The following FOXP2 variants were observed in gnomAD, a reference collection of about 807,000 sequenced individuals.
FOXP2 encodes the protein forkhead box P2.
Under a neutral mutation model 115.8 loss-of-function variants are expected in FOXP2, and 12 were observed. The ratio of observed to expected loss-of-function variants is 0.10; its 90% CI spans 0.07 to 0.17. FOXP2 has a LOEUF of 0.17. Among genes scored for constraint, FOXP2 ranks in the 10% least tolerant of loss-of-function variants. The probability of loss-of-function intolerance (pLI) is 1.00; values close to 1 mark genes in which losing one functional copy is unlikely to be tolerated. For synonymous variants in FOXP2, 328 were observed against 297.7 expected, an observed-to-expected ratio of 1.10 and a Z score of -1.05; for missense variants, 629 against 843.5, an observed-to-expected ratio of 0.75 and a Z score of 3.15.
chr7:114,091,326 G>A (rs528922632), intron 1 of FOXP2, among the ~76,000 whole-genome samples: 32 of 151,866 alleles, frequency 2.1e-4, no homozygotes, highest in African/African-American at 5.1e-4. Flanking sequence ...GATTTCTTAC[G>A]TTGCAACACT....
chr7:114,670,382 A>T (rs1049240838), intron 16 of FOXP2, among the ~76,000 whole-genome samples: 1 of 152,036 alleles, frequency 6.6e-6, no homozygotes, highest in African/African-American at 2.4e-5. Flanking sequence ...AGATCATAAG[A>T]TTTTTTTAAA....
intron 2 of FOXP2, among the ~76,000 whole-genome samples, chr7:114,344,600 A>C (rs2129184789): frequency 6.6e-6 from 1 of 151,978 alleles, no homozygotes; most frequent in South Asian, 2.1e-4. Flanking sequence ...GATGTAGAGA[A>C]ATGTAGAGCT....
At chr7:114,389,955 C>T (rs751177795) in intron 2 of FOXP2, among the ~76,000 whole-genome samples, 47 of 133,268 alleles carry the variant, frequency 3.5e-4, no homozygotes, top group African/African-American at 2.5e-4. Context: ...ACCTGGGAGG[C>T]GGAGGTTGCT....
intron 16 of FOXP2, among the ~76,000 whole-genome samples, chr7:114,682,456 TC>T (rs2129350806): frequency 6.6e-6 from 1 of 152,282 alleles, no homozygotes; most frequent in South Asian, 2.1e-4. Flanking sequence ...GAAGAGAGTT[TC>T]TTTAAAGGGA....
intron 1 of FOXP2, among the ~76,000 whole-genome samples, chr7:114,236,931 C>G (rs1218832111): frequency 6.6e-6 from 1 of 152,102 alleles, no homozygotes; most frequent in African/African-American, 2.4e-5. Context: ...GAGCCGAGAT[C>G]ATGCAACTGA....
chr7:114,201,521 T>C (rs1311315590), intron 1 of FOXP2, among the ~76,000 whole-genome samples: 1 of 152,200 alleles, frequency 6.6e-6, no homozygotes, highest in Non-Finnish European at 1.5e-5. Flanking sequence ...ATTTACAAAA[T>C]CACAGAAACT....
chr7:114,145,730 G>A (rs1170099999), intron 1 of FOXP2, among the ~76,000 whole-genome samples: 1 of 151,992 alleles, frequency 6.6e-6, no homozygotes, highest in African/African-American at 2.4e-5. Flanking sequence ...TACAGAATGG[G>A]TAATAACTGC....
At chr7:114,312,067 T>C (rs1358473922) in intron 2 of FOXP2, among the ~76,000 whole-genome samples, 1 of 152,106 alleles carries the variant, frequency 6.6e-6, no homozygotes, top group Non-Finnish European at 1.5e-5. Context: ...ATTATTTGCA[T>C]TTACTCTCTT....
chr7:114,629,002 T>A (rs1382831119), intron 4 of FOXP2: 4 of 313,534 alleles, frequency 1.3e-5, no homozygotes, highest in Non-Finnish European at 2.4e-5. Context: ...ACTTACCAGA[T>A]AATAGTTGCT....
In FOXP2 at chr7:114,692,243, A is replaced by G. The variant is rs1288184009; in HGVS notation, c.*2317A>G. 1 of 454,004 alleles carries G rather than the reference A, an allele frequency of 2.2e-6. No individual in the cohort carries two copies. The allele number at this position is 454,004 out of a possible 1,614,324, so 28.1% of individuals were successfully genotyped here. On this transcript the variant is annotated 3_prime_UTR_variant, in exon 17 of 17. Transcript: ENST00000350908. Reference sequence around the variant, plus strand: ...ACCATCAGAAGGGTGGCCTAAGACTACAATGCTAAAGTATGCATACCTCAG... The same window carrying G: ...ACCATCAGAAGGGTGGCCTAAGACTGCAATGCTAAAGTATGCATACCTCAG...
At chr7:114,645,340 T>C (rs1488160299) in intron 8 of FOXP2, 3 of 151,660 alleles carry the variant, frequency 2.0e-5, no homozygotes, top group Non-Finnish European at 2.9e-5. Flanking sequence ...TGTTACTTTT[T>C]GCCCTTAGAA....
chr7:114,449,771 C>G (rs890399554), intron 2 of FOXP2, among the ~76,000 whole-genome samples: 3 of 152,058 alleles, frequency 2.0e-5, no homozygotes, highest in Admixed American at 6.6e-5. Flanking sequence ...GTGTTATATA[C>G]CTTTGAAATT....
rs190072635 is a variant in FOXP2, at chr7:114,623,877, T to C, written c.259-4663T>C. 3.5e-3 allele frequency among the ~76,000 whole-genome samples: 531 copies of C among 152,018 alleles called. 3 individuals are homozygous for C. The highest frequency in any genetic ancestry group is 0.012 in the African/African-American group (512 of 41,560). ...TGTTGTTCCTGTCACACTATTTCCCTGCTGCTAAAAGATTGCGTTAAATAG... is the reference window on the plus strand; with the variant it reads ...TGTTGTTCCTGTCACACTATTTCCCCGCTGCTAAAAGATTGCGTTAAATAG... On this transcript the variant is annotated intron_variant, in intron 3 of 16. Coordinates refer to ENST00000350908, the MANE Select transcript of FOXP2 (RefSeq NM_014491.4).
chr7:114,503,983 G>A (rs1797686670), intron 2 of FOXP2, among the ~76,000 whole-genome samples: 1 of 151,502 alleles, frequency 6.6e-6, no homozygotes, highest in Non-Finnish European at 1.5e-5. Context: ...AGAAAAATGT[G>A]GACTTAATAC....
At chr7:114,286,582 T>G (rs561276827) in intron 1 of FOXP2, among the ~76,000 whole-genome samples, 5 of 151,998 alleles carry the variant, frequency 3.3e-5, no homozygotes, top group Non-Finnish European at 7.4e-5. Flanking sequence ...AAAATTAACA[T>G]AAGGAAAGCC....
chr7:114,166,210 T>G (rs1326750494), intron 1 of FOXP2, among the ~76,000 whole-genome samples: 1 of 152,180 alleles, frequency 6.6e-6, no homozygotes, highest in African/African-American at 2.4e-5. Context: ...GATGACTTTT[T>G]AGATACAACA....
chr7:114,157,030 G>A (rs1362567054), intron 1 of FOXP2, among the ~76,000 whole-genome samples: 2 of 152,042 alleles, frequency 1.3e-5, no homozygotes, highest in Non-Finnish European at 2.9e-5. Flanking sequence ...TAATGGCAGT[G>A]ATAATTATTT....
intron 2 of FOXP2, among the ~76,000 whole-genome samples, chr7:114,353,552 A>G (rs1012610182): frequency 6.6e-6 from 1 of 152,052 alleles, no homozygotes; most frequent in African/African-American, 2.4e-5. Context: ...GTGAAATGAA[A>G]CAACATTCAA....
At chr7:114,462,797 A>G (rs552778760) in intron 2 of FOXP2, among the ~76,000 whole-genome samples, 1 of 152,324 alleles carries the variant, frequency 6.6e-6, no homozygotes, top group African/African-American at 2.4e-5. Context: ...GTTGCCAAAT[A>G]CTACTAAATG....
Sources: allele counts gnomAD v4.1 joint callset (sites outside exome capture counted in the v4.1 genomes callset), GRCh38; gene constraint gnomAD v4.1.1; transcripts MANE v1.5; gene names NCBI Gene and HGNC (gene_info 2026-07-23, HGNC 2026-07-21).